The following OGDH variants were observed in gnomAD, a reference collection of about 807,000 sequenced individuals.
OGDH encodes the protein oxoglutarate dehydrogenase.
A neutral mutation model predicts 116.6 loss-of-function variants in OGDH; 38 were observed. The observed-to-expected ratio is 0.33, with a 90% confidence interval of 0.25 to 0.43. The LOEUF (loss-of-function observed/expected upper bound fraction) is 0.43, where lower values mean the gene tolerates loss of function less well. Ranked by LOEUF, OGDH falls within the 20% of genes least tolerant of loss-of-function variation. OGDH has a pLI of 1.00. For missense variants in OGDH, 825 were observed against 1,357.2 expected (o/e 0.61, Z 6.16); for synonymous variants, 488 against 533.3 (o/e 0.92, Z 1.17).
chr7:44,686,739 A>C (rs1246712109), intron 10 of OGDH, among the ~76,000 whole-genome samples: 12 of 132,852 alleles, frequency 9.0e-5, no homozygotes, highest in African/African-American at 3.5e-4. Flanking sequence ...CCCAGGCCGG[A>C]GTGCAATGGC....
rs564349983 is a variant in OGDH at position 44,679,041 on chromosome 7, T to C, written c.1207-2679T>C. ...GGAGAACCCGCTCCTGCCAGAGGTA[T>C]GGCTCAGGCTGCCAGACACAAGGAG... On this transcript the variant is annotated intron_variant, in intron 9 of 22. Coordinates refer to ENST00000222673, the MANE Select transcript of OGDH (RefSeq NM_002541.4). 6.6e-4 allele frequency among the ~76,000 whole-genome samples: 101 copies of C among 152,324 alleles called. No homozygotes were observed. In the Middle Eastern group the frequency reaches 0.01, roughly 15 times the overall value.
chr7:44,630,005 G>A (rs1423019126), intron 2 of OGDH, among the ~76,000 whole-genome samples: 2 of 152,214 alleles, frequency 1.3e-5, no homozygotes, highest in African/African-American at 4.8e-5. Flanking sequence ...CAGGCTGTTG[G>A]CCTGCTGCTG....
chr7:44,632,272 A>G (rs1221025473), intron 2 of OGDH, among the ~76,000 whole-genome samples: 1 of 151,856 alleles, frequency 6.6e-6, no homozygotes, highest in Admixed American at 6.6e-5. Context: ...AGAGAGGCTT[A>G]CTCTAAATGA....
intron 4 of OGDH, among the ~76,000 whole-genome samples, chr7:44,662,896 TAATTATC>T (rs1379764480): frequency 1.4e-5 from 2 of 147,704 alleles, no homozygotes; most frequent in African/African-American, 5.2e-5. Flanking sequence ...TTCAGAAGTT[TAATTATC>T]ATGTGTTTTG....
intron 19 of OGDH, among the ~76,000 whole-genome samples, chr7:44,701,145 A>G (rs993116154): frequency 3.3e-5 from 5 of 152,240 alleles, no homozygotes; most frequent in Non-Finnish European, 5.9e-5. Flanking sequence ...CAGCAGTCCA[A>G]GGGCCCACAG....
rs543528817 is a variant in OGDH at position 44,658,000 on chromosome 7, C to G, written c.518-8736C>G. On this transcript the variant is annotated intron_variant, in intron 4 of 22. Coordinates refer to ENST00000222673, the MANE Select transcript of OGDH (RefSeq NM_002541.4). ...TTTTCAGTTATTTTCCTTTGTGTGT[C>G]TGTTTTTCCATCGATACCACAGTGT... 6.6e-5 allele frequency among the ~76,000 whole-genome samples: 10 copies of G among 152,262 alleles called. No homozygotes were observed. The South Asian group carries it at 1.9e-3, about 28-fold the overall frequency.
intron 4 of OGDH, among the ~76,000 whole-genome samples, chr7:44,658,854 G>T (rs987043737): frequency 1.7e-4 from 26 of 151,628 alleles, no homozygotes; most frequent in Non-Finnish European, 1.8e-4. Flanking sequence ...ATTATTTTTT[G>T]AGACTGATTC....
chr7:44,634,220 A>T (rs372659823), intron 2 of OGDH, among the ~76,000 whole-genome samples: 6 of 152,352 alleles, frequency 3.9e-5, no homozygotes, highest in Middle Eastern at 6.8e-3. Flanking sequence ...GTCCCAGAGT[A>T]GCTCCAGACA....
intron 9 of OGDH, among the ~76,000 whole-genome samples, chr7:44,678,172 C>A (rs932366035): frequency 2.6e-5 from 4 of 152,076 alleles, no homozygotes; most frequent in Admixed American, 6.6e-5. Context: ...GGGGAACCTG[C>A]AGCCCCCGCA....
In OGDH at chr7:44,698,099, A is replaced by G. The variant is rs2116369964; in HGVS notation, c.2359-93A>G. 3 of 1,401,638 alleles carry G rather than the reference A, an allele frequency of 2.1e-6. No homozygotes were observed. The South Asian group carries it at 3.5e-5, about 16-fold the overall frequency. The allele number at this position is 1,401,638 out of a possible 1,614,324, so 86.8% of individuals were successfully genotyped here. On this transcript the variant is annotated intron_variant, in intron 17 of 22. Transcript: ENST00000222673. ...CCTGCCATCAAGAAAAAAGATAACC[A>G]GAAATGAGCTAGTTGGTTGAGGAGG...
At chr7:44,669,777 C>T (rs553876628) in intron 5 of OGDH, among the ~76,000 whole-genome samples, 1 of 152,262 alleles carries the variant, frequency 6.6e-6, no homozygotes, top group Admixed American at 6.5e-5. Flanking sequence ...GCTGTATGCG[C>T]TCCTGGCCCC....
intron 10 of OGDH, among the ~76,000 whole-genome samples, chr7:44,683,615 A>G (rs1267930231): frequency 6.6e-6 from 1 of 152,216 alleles, no homozygotes; most frequent in East Asian, 1.9e-4. Context: ...GGTTCCATGT[A>G]CACAGCTTTA....
At chr7:44,649,117 C>T (rs1399093058) in intron 4 of OGDH, among the ~76,000 whole-genome samples, 1 of 152,134 alleles carries the variant, frequency 6.6e-6, no homozygotes, top group Non-Finnish European at 1.5e-5. Flanking sequence ...CCAAACTCCC[C>T]AGCTGGTAGA....
At chr7:44,664,293 T>G (rs1296747009) in intron 4 of OGDH, among the ~76,000 whole-genome samples, 1 of 152,028 alleles carries the variant, frequency 6.6e-6, no homozygotes, top group African/African-American at 2.4e-5. Flanking sequence ...GCTGATGCAT[T>G]ACCTCCCAGA....
At chr7:44,692,097 C>T (rs1788390017) in intron 10 of OGDH, among the ~76,000 whole-genome samples, 1 of 151,228 alleles carries the variant, frequency 6.6e-6, no homozygotes, top group South Asian at 2.1e-4. Flanking sequence ...AGAACAGCTA[C>T]TCAGGAGAGC....
chr7:44,692,871 C>G (rs1391791475), intron 10 of OGDH, among the ~76,000 whole-genome samples: 1 of 151,250 alleles, frequency 6.6e-6, no homozygotes, highest in Non-Finnish European at 1.5e-5. Context: ...CCCATCTCTA[C>G]AAAAAAAATT....
intron 2 of OGDH, among the ~76,000 whole-genome samples, chr7:44,625,184 G>A (rs1472303152): frequency 2.6e-5 from 4 of 152,150 alleles, no homozygotes; most frequent in Admixed American, 2.6e-4. Flanking sequence ...GAGTGCAGTG[G>A]CGGGATCTCG....
chr7:44,626,976 GTT>G (rs1160625077), intron 2 of OGDH, among the ~76,000 whole-genome samples: 1 of 152,046 alleles, frequency 6.6e-6, no homozygotes, highest in Admixed American at 6.6e-5. Context: ...GTGTGTGCAT[GTT>G]TTTTGTTTGT....
intron 20 of OGDH, among the ~76,000 whole-genome samples, chr7:44,706,125 T>C (rs1789060010): frequency 6.6e-6 from 1 of 152,110 alleles, no homozygotes; most frequent in African/African-American, 2.4e-5. Context: ...TGTACTTTTG[T>C]AGAGACGGAG....
Sources: gnomAD v4.1 joint callset for allele counts (sites outside exome capture counted in the v4.1 genomes callset) on GRCh38, gnomAD v4.1.1 for gene constraint, MANE v1.5 for transcripts, NCBI Gene and HGNC (gene_info 2026-07-23, HGNC 2026-07-21) for gene names.